PPP3CA: variants seen among roughly 807,000 people sequenced by gnomAD.
PPP3CA encodes protein phosphatase 3 catalytic subunit alpha, also known as CAM-PRP catalytic subunit.
In PPP3CA, 14 loss-of-function variants were observed where a neutral mutation model predicts 66.5. The ratio of observed to expected loss-of-function variants is 0.21; its 90% CI spans 0.14 to 0.33. The LOEUF (loss-of-function observed/expected upper bound fraction) is 0.33, where lower values mean the gene tolerates loss of function less well. Ranked by LOEUF, PPP3CA falls within the 10% of genes least tolerant of loss-of-function variation. PPP3CA has a pLI of 1.00. For synonymous variants in PPP3CA, 232 were observed against 226.2 expected (o/e 1.03, Z -0.23); for missense variants, 317 against 639.5 (o/e 0.50, Z 5.44).
intron 1 of PPP3CA, among the ~76,000 whole-genome samples, chr4:101,255,368 T>C (rs1043975279): frequency 6.6e-5 from 10 of 151,924 alleles, no homozygotes; most frequent in Admixed American, 3.3e-4. Flanking sequence ...CAACGTAATG[T>C]CTCCATGTTA....
chr4:101,302,484 G>C (rs1728409829), intron 1 of PPP3CA, among the ~76,000 whole-genome samples: 1 of 152,176 alleles, frequency 6.6e-6, no homozygotes. Context: ...TCAATAATAA[G>C]ACAATTAACA....
At position 101,090,823 on chromosome 4, in the gene PPP3CA, G is replaced by A. The variant is rs188066028; in HGVS notation, c.782+2953C>T. The stretch of plus-strand genomic sequence containing the variant: ...TATACACACGTCTGTGTCTAATGCC[G>A]TAATATATAGACATATCTGTGTCTA... On this transcript the variant is annotated intron_variant, in intron 6 of 13. Transcript: ENST00000394854. Among the ~76,000 whole-genome samples, 482 of 148,876 alleles carry A rather than the reference G, an allele frequency of 3.2e-3. 1 individual carries two copies. The highest frequency in any genetic ancestry group is 5.1e-3 in the Non-Finnish European group (342 of 67,318).
chr4:101,330,384 T>C (rs1243132595), intron 1 of PPP3CA: 1 of 527,778 alleles, frequency 1.9e-6, no homozygotes, highest in Non-Finnish European at 3.9e-6. Context: ...TCTTTGCTCA[T>C]CCTTGAGAAG....
intron 2 of PPP3CA, among the ~76,000 whole-genome samples, chr4:101,139,854 C>G (rs557758100): frequency 1.7e-4 from 26 of 151,874 alleles, no homozygotes; most frequent in Non-Finnish European, 3.4e-4. Context: ...ACTGCAACAA[C>G]TATTACTACT....
chr4:101,260,476 T>A (rs3804421), intron 1 of PPP3CA, among the ~76,000 whole-genome samples: 84,562 of 152,006 alleles, frequency 0.56, 27,486 homozygotes, highest in Non-Finnish European at 0.74. Context: ...TTTTACTTCC[T>A]AGCACCATTC....
At chr4:101,146,098 C>A (rs1311623722) in intron 2 of PPP3CA, among the ~76,000 whole-genome samples, 1 of 152,166 alleles carries the variant, frequency 6.6e-6, no homozygotes, top group Non-Finnish European at 1.5e-5. Context: ...TTTCTCTATT[C>A]ATGCTGCAAG....
chr4:101,105,582 A>G (rs1387329369), intron 3 of PPP3CA, among the ~76,000 whole-genome samples: 2 of 152,176 alleles, frequency 1.3e-5, no homozygotes, highest in Admixed American at 1.3e-4. Flanking sequence ...GAAAAAAAAC[A>G]AAAAACAAAC....
At chr4:101,173,588 C>A (rs574742855) in intron 2 of PPP3CA, among the ~76,000 whole-genome samples, 1 of 152,200 alleles carries the variant, frequency 6.6e-6, no homozygotes, top group South Asian at 2.1e-4. Context: ...AAAATGGACA[C>A]AGAGATGAGG....
chr4:101,313,677 AGACTGCACAG>A (rs1190588906), intron 1 of PPP3CA, among the ~76,000 whole-genome samples: 2 of 152,208 alleles, frequency 1.3e-5, no homozygotes, highest in African/African-American at 2.4e-5. Flanking sequence ...AAGGCAATTC[AGACTGCACAG>A]CTGTCAACTC....
At chr4:101,210,287 G>C (rs1158712344) in intron 1 of PPP3CA, among the ~76,000 whole-genome samples, 1 of 152,102 alleles carries the variant, frequency 6.6e-6, no homozygotes, top group Non-Finnish European at 1.5e-5. Context: ...CAATTACTCA[G>C]TACCCCAAGT....
chr4:101,316,118 C>T (rs570669163), intron 1 of PPP3CA, among the ~76,000 whole-genome samples: 27 of 151,976 alleles, frequency 1.8e-4, no homozygotes, highest in South Asian at 6.3e-4. Flanking sequence ...CACAGACTCA[C>T]GTGACTACAA....
chr4:101,183,319 A>C lies in PPP3CA; in HGVS notation c.259+12597T>G, dbSNP rs899674726. Among the ~76,000 whole-genome samples the C allele has an allele frequency of 2.6e-4, 40 of 152,066 alleles. 1 individual carries two copies. The highest frequency in any genetic ancestry group is 2.6e-4 in the Admixed American group (4 of 15,252). Reference sequence around the variant, plus strand: ...GAAAGGGAAGCAAGGAAGACATTAAAATTTTTAGTTGCATGATCTGAAAGT... The same window carrying C: ...GAAAGGGAAGCAAGGAAGACATTAACATTTTTAGTTGCATGATCTGAAAGT... On this transcript the variant is annotated intron_variant, in intron 2 of 13. Transcript: ENST00000394854.
chr4:101,124,850 A>G (rs1327208917), intron 2 of PPP3CA, among the ~76,000 whole-genome samples: 2 of 152,166 alleles, frequency 1.3e-5, no homozygotes, highest in Non-Finnish European at 2.9e-5. Flanking sequence ...TGCTTTTAAA[A>G]TCCCATCATT....
At chr4:101,157,866 CAAAAAA>C (rs770632810) in intron 2 of PPP3CA, among the ~76,000 whole-genome samples, 2 of 48,866 alleles carry the variant, frequency 4.1e-5, no homozygotes, top group Non-Finnish European at 8.0e-5. Context: ...CCTTAGGAGG[CAAAAAA>C]AAAAAAAAAA....
intron 6 of PPP3CA, among the ~76,000 whole-genome samples, chr4:101,091,016 TAA>T (rs1729913146): frequency 6.6e-6 from 1 of 151,914 alleles, no homozygotes; most frequent in African/African-American, 2.4e-5. Context: ...TCTAATGCCA[TAA>T]TATTATATAA....
At position 101,338,975 on chromosome 4, in the gene PPP3CA, A is replaced by G. The variant is rs148801279; in HGVS notation, c.58+7764T>C. 1.9e-3 allele frequency among the ~76,000 whole-genome samples: 288 copies of G among 152,352 alleles called. 1 individual carries two copies. The highest frequency in any genetic ancestry group is 6.5e-3 in the African/African-American group (272 of 41,578). ...ACTTGATAAAACAGCATAACTTACA[A>G]GATGTTTTAAAAACAAATGTCAACG... On this transcript the variant is annotated intron_variant, in intron 1 of 13. Coordinates refer to ENST00000394854, the MANE Select transcript of PPP3CA (RefSeq NM_000944.5).
In PPP3CA at chr4:101,296,737, T is replaced by C. The variant is rs1399490249; in HGVS notation, c.58+50002A>G. Among the ~76,000 whole-genome samples the C allele has an allele frequency of 2.7e-4, 41 of 152,172 alleles. 1 individual carries two copies. The highest frequency in any genetic ancestry group is 2.7e-3 in the Admixed American group (41 of 15,276). ...TTTTTTAAAATAAAAGTTCATTTATTACAGACGTGCAAAAGTTTACATTTA... is the reference window on the plus strand; with the variant it reads ...TTTTTTAAAATAAAAGTTCATTTATCACAGACGTGCAAAAGTTTACATTTA... On this transcript the variant is annotated intron_variant, in intron 1 of 13. Transcript: ENST00000394854.
At chr4:101,185,452 C>G (rs762682004) in intron 2 of PPP3CA, among the ~76,000 whole-genome samples, 11 of 152,102 alleles carry the variant, frequency 7.2e-5, no homozygotes, top group Non-Finnish European at 1.3e-4. Context: ...TAAAGCTAAA[C>G]TTTTGAAACA....
At chr4:101,228,655 G>A (rs1238189084) in intron 1 of PPP3CA, among the ~76,000 whole-genome samples, 1 of 151,438 alleles carries the variant, frequency 6.6e-6, no homozygotes, top group Non-Finnish European at 1.5e-5. Context: ...TAATTTTTGT[G>A]GATTAGAGGC....
Sources: gnomAD v4.1 joint callset for allele counts (sites outside exome capture counted in the v4.1 genomes callset) on GRCh38, gnomAD v4.1.1 for gene constraint, MANE v1.5 for transcripts, NCBI Gene and HGNC (gene_info 2026-07-23, HGNC 2026-07-21) for gene names.